The following PRMT1 variants were observed in gnomAD, a reference collection of about 807,000 sequenced individuals.
PRMT1 encodes the protein protein arginine methyltransferase 1, also known as protein arginine N-methyltransferase 1.
Under a neutral mutation model 47.4 loss-of-function variants are expected in PRMT1, and 5 were observed. The ratio of observed to expected loss-of-function variants is 0.11; its 90% CI spans 0.06 to 0.22. The LOEUF (loss-of-function observed/expected upper bound fraction) is 0.22, where lower values mean the gene tolerates loss of function less well. Among genes scored for constraint, PRMT1 ranks in the 10% least tolerant of loss-of-function variants. PRMT1 has a pLI of 1.00. For missense variants in PRMT1, 249 were observed against 518.4 expected (o/e 0.48, Z 5.05); for synonymous variants, 227 against 204.6 (o/e 1.11, Z -0.94).
At position 49,680,200 on chromosome 19, in the gene PRMT1, G is replaced by A. The variant is rs1260265223; in HGVS notation, c.90+275G>A. The A allele has an allele frequency of 6.3e-7, 1 of 1,597,166 alleles. No homozygotes were observed. The highest frequency in any genetic ancestry group is 2.3e-5 in the East Asian group (1 of 44,050). On this transcript the variant is annotated intron_variant, in intron 2 of 10. Coordinates refer to ENST00000454376, the MANE Select transcript of PRMT1 (RefSeq NM_001536.6). This position sits in a 1 kb window ranked among gnomAD's most constrained non-coding sequence, Gnocchi z 4.2. ...CCTTCCCCTCCCCTCCCCAGCTGTG[G>A]GCTGAGCTAGAGACGGGGTCAGAGA...
At chr19:49,677,623 T>G in intron 1 of PRMT1, 1 of 283,354 alleles carries the variant, frequency 3.5e-6, no homozygotes, top group Non-Finnish European at 6.5e-6. Flanking sequence ...GTGTGCCGAG[T>G]CCAGTGGCCC....
chr19:49,682,175 C>G, intron 4 of PRMT1, 21 bp from the exon 5 acceptor site: 1 of 1,614,092 alleles, frequency 6.2e-7, no homozygotes, highest in African/African-American at 1.3e-5. Flanking sequence ...GTCTCACCCT[C>G]CCTTCTTCCT....
rs774496561 is a variant in PRMT1 at position 49,684,088 on chromosome 19, G to C, written c.555+19G>C. On this transcript the variant is annotated intron_variant, in intron 6 of 10. Coordinates refer to ENST00000454376, the MANE Select transcript of PRMT1 (RefSeq NM_001536.6). This position sits in a 1 kb window ranked among gnomAD's most constrained non-coding sequence, Gnocchi z 6.2. Reference sequence around the variant, plus strand: ...GTGGCTGGTGAGGCCCCAGCGGGACGGGTGCAGCTCGCGTGGGCTGGGGTC... The same window carrying C: ...GTGGCTGGTGAGGCCCCAGCGGGACCGGTGCAGCTCGCGTGGGCTGGGGTC... The C allele has an allele frequency of 6.2e-7, 1 of 1,613,352 alleles. No individual in the cohort carries two copies. The highest frequency in any genetic ancestry group is 1.1e-5 in the South Asian group (1 of 91,072).
At position 49,686,100 on chromosome 19, in the gene PRMT1, A is replaced by G; in HGVS notation, c.767A>G (p.Asp256Gly). The change falls in exon 9 of 11, where the codon GAC (aspartate) becomes GGC (glycine). Residue 256 changes from aspartate (D) to glycine (G), a missense_variant. By Grantham distance (94) the Asp-to-Gly change is moderately conservative (BLOSUM62 -1). Around this residue, in one of 2 missense-constraint regions of PRMT1, gnomAD observed 190 missense variants for 456.7 expected, o/e 0.42. Coordinates refer to ENST00000454376, the MANE Select transcript of PRMT1 (RefSeq NM_001536.6). ...CCCTCTCATGTCCTGCAGGAGGTGG[A>G]CATCTATACCGTCAAGGTGGAAGAC... ...VTNACLIKEV[D>G]IYTVKVEDLT... 1 of 1,613,220 alleles carries G rather than the reference A, an allele frequency of 6.2e-7. No homozygotes were observed. The highest frequency in any genetic ancestry group is 8.5e-7 in the Non-Finnish European group (1 of 1,179,550).
In PRMT1 at chr19:49,680,689, C is replaced by A; in HGVS notation, c.192+101C>A. The A allele has an allele frequency of 4.2e-6, 4 of 948,092 alleles. No homozygotes were observed. Among genetic ancestry groups the A allele is most frequent in the Non-Finnish European group, 4.9e-6 (3 of 613,744 alleles). 58.7% of individuals were successfully genotyped at this position (948,092 alleles called of 1,614,324 possible). On this transcript the variant is annotated intron_variant, in intron 3 of 10. Transcript: ENST00000454376. This position sits in a 1 kb window ranked among gnomAD's most constrained non-coding sequence, Gnocchi z 4.2. ...CACGCATGCGCACTGCTTCCCCTGG[C>A]CGCAGGCCGCCCCCCTGCCCCTCTG...
At position 49,685,966 on chromosome 19, in the gene PRMT1, G is replaced by T. The variant is rs2082198532; in HGVS notation, c.760-127G>T. 1 of 1,484,724 alleles carries T rather than the reference G, an allele frequency of 6.7e-7. No homozygotes were observed. Among genetic ancestry groups the T allele is most frequent in the East Asian group, 2.4e-5 (1 of 42,420 alleles). 92.0% of individuals were successfully genotyped at this position (1,484,724 alleles called of 1,614,324 possible). The stretch of plus-strand genomic sequence containing the variant: ...AGTGAAGGAGGAGCCGAGGCTGGGT[G>T]CCAGTGAGGGAGGGCTAGCAGGAAG... On this transcript the variant is annotated intron_variant, in intron 8 of 10. Transcript: ENST00000454376. The surrounding 1 kb of genome is among the most constrained non-coding windows in gnomAD (Gnocchi z 4.7).
Position 49,684,678 on chromosome 19 carries a change from G to A in PRMT1, c.556-76G>A, listed in dbSNP as rs2082178006. 17 of 1,463,302 alleles carry A rather than the reference G, an allele frequency of 1.2e-5. No individual in the cohort carries two copies. Among genetic ancestry groups the A allele is most frequent in the Non-Finnish European group, 1.6e-5 (17 of 1,071,192 alleles). The allele number at this position is 1,463,302 out of a possible 1,614,324, so 90.6% of individuals were successfully genotyped here. A position where few individuals can be genotyped will look rare whatever the true frequency, so the allele number is the denominator to read the frequency against. The stretch of plus-strand genomic sequence containing the variant: ...GAGGGTGGCCCAGACCAGGGCAGGA[G>A]GCCACATCTTGGAGGCAAGACTCAG... On this transcript the variant is annotated intron_variant, in intron 6 of 10. Transcript: ENST00000454376. This position sits in a 1 kb window ranked among gnomAD's most constrained non-coding sequence, Gnocchi z 6.2.
In PRMT1 at chr19:49,685,911, T is replaced by G; in HGVS notation, c.760-182T>G. 1 of 1,417,984 alleles carries G rather than the reference T, an allele frequency of 7.1e-7. No homozygotes were observed. Among genetic ancestry groups the G allele is most frequent in the Non-Finnish European group, 9.2e-7 (1 of 1,090,274 alleles). 87.8% of individuals were successfully genotyped at this position (1,417,984 alleles called of 1,614,324 possible). Reference sequence around the variant, plus strand: ...GGAATCTGGGCTCGAACCCACATGGTTTATTGGGAGCCGGATAGGCAGGAT... The same window carrying G: ...GGAATCTGGGCTCGAACCCACATGGGTTATTGGGAGCCGGATAGGCAGGAT... On this transcript the variant is annotated intron_variant, in intron 8 of 10. Coordinates refer to ENST00000454376, the MANE Select transcript of PRMT1 (RefSeq NM_001536.6). The surrounding 1 kb of genome is among the most constrained non-coding windows in gnomAD (Gnocchi z 4.7).
At position 49,681,352 on chromosome 19, in the gene PRMT1, G is replaced by A. The variant is rs1213299541; in HGVS notation, c.193-558G>A. Among the ~76,000 whole-genome samples the A allele has an allele frequency of 6.6e-6, 1 of 152,190 alleles. No individual in the cohort carries two copies. Among genetic ancestry groups the A allele is most frequent in the East Asian group, 1.9e-4 (1 of 5,194 alleles). ...GCGTGAGCCACCGCTCCCAGCCTGA[G>A]GACTTTTAAAAGCCAGGGTTCACTG... On this transcript the variant is annotated intron_variant, in intron 3 of 10. Transcript: ENST00000454376. This position sits in a 1 kb window ranked among gnomAD's most constrained non-coding sequence, Gnocchi z 4.4.
intron 1 of PRMT1, 138 bp from the exon 2 acceptor site, chr19:49,679,734 G>A: frequency 1.5e-6 from 1 of 646,992 alleles, no homozygotes; most frequent in Non-Finnish European, 2.8e-6. Context: ...CTCATTACTT[G>A]CCCCCTTCGC....
intron 9 of PRMT1, 77 bp from the exon 10 acceptor site, chr19:49,686,528 A>G: frequency 8.6e-7 from 1 of 1,160,300 alleles, no homozygotes; most frequent in South Asian, 1.4e-5. Context: ...GGGGGTGGGC[A>G]TTCCGACAGA....
rs760514858 is a variant in PRMT1 at position 49,688,259 on chromosome 19, C to T, written c.*14C>T. ...CGGATGCGCTGAGGCCCGGCTCTCC[C>T]GCCCTGCACGAGCCCAGGGGCTGAG... On this transcript the variant is annotated 3_prime_UTR_variant, in exon 11 of 11. Transcript: ENST00000454376. The surrounding 1 kb of genome is among the most constrained non-coding windows in gnomAD (Gnocchi z 5.3). 9.9e-6 allele frequency: 16 copies of T among 1,612,694 alleles called. No individual in the cohort carries two copies. Among genetic ancestry groups the T allele is most frequent in the African/African-American group, 6.7e-5 (5 of 75,000 alleles).
intron 1 of PRMT1, among the ~76,000 whole-genome samples, chr19:49,677,824 C>T (rs1384767350): frequency 3.9e-5 from 6 of 152,114 alleles, no homozygotes; most frequent in Non-Finnish European, 8.8e-5. Context: ...CAGTGCTTCT[C>T]AGCCCTTTAC....
At position 49,688,105 on chromosome 19, in the gene PRMT1, G is replaced by GC. The variant is rs973869288; in HGVS notation, c.1033-51dup. The GC allele has an allele frequency of 9.7e-5, 142 of 1,468,134 alleles. No individual in the cohort carries two copies. The highest frequency in any genetic ancestry group is 4.1e-4 in the South Asian group (36 of 88,186). 90.9% of individuals were successfully genotyped at this position (1,468,134 alleles called of 1,614,324 possible). Reference sequence around the variant, plus strand: ...ATCGTCGCATAGCCTGCCTGCACCCGCCCCCCGCCACCACCTCCTGGTGGG... The same window carrying GC: ...ATCGTCGCATAGCCTGCCTGCACCCGCCCCCCCGCCACCACCTCCTGGTGGG... On this transcript the variant is annotated intron_variant, in intron 10 of 10. Coordinates refer to ENST00000454376, the MANE Select transcript of PRMT1 (RefSeq NM_001536.6). This position sits in a 1 kb window ranked among gnomAD's most constrained non-coding sequence, Gnocchi z 5.3.
intron 5 of PRMT1, 35 bp from the exon 6 acceptor site, chr19:49,683,892 C>G: frequency 6.3e-7 from 1 of 1,594,166 alleles, no homozygotes. Flanking sequence ...GCAGGCCTCC[C>G]GGGGGCTGAC....
chr19:49,687,725 C>T (rs1345969692), intron 10 of PRMT1: 6 of 215,860 alleles, frequency 2.8e-5, no homozygotes, highest in East Asian at 1.0e-4. Context: ...AGTCCTCGGG[C>T]GTTGGTGACT....
rs541297331 is a variant in PRMT1, at chr19:49,683,468, C to T, written c.413-459C>T. Reference sequence around the variant, plus strand: ...TTTTGGGAGGCCGAGGCGGGCGGATCGTGAGGTCAGGAGATCAAGACCATC... The same window carrying T: ...TTTTGGGAGGCCGAGGCGGGCGGATTGTGAGGTCAGGAGATCAAGACCATC... On this transcript the variant is annotated intron_variant, in intron 5 of 10. Coordinates refer to ENST00000454376, the MANE Select transcript of PRMT1 (RefSeq NM_001536.6). Among the ~76,000 whole-genome samples the T allele has an allele frequency of 2.0e-4, 30 of 151,930 alleles. No homozygotes were observed. In the East Asian group the frequency reaches 4.1e-3, roughly 21 times the overall value.
chr19:49,688,312 C>T lies in PRMT1; in HGVS notation c.*67C>T, dbSNP rs924082750. ...TTCCTAGGCGGTTTCGGGGCTCCCC[C>T]TTCCTCTCCCTCCCTCCCGCAGAAG... On this transcript the variant is annotated 3_prime_UTR_variant, in exon 11 of 11. Transcript: ENST00000454376. The surrounding 1 kb of genome is among the most constrained non-coding windows in gnomAD (Gnocchi z 5.3). The T allele has an allele frequency of 7.4e-6, 11 of 1,489,458 alleles. No homozygotes were observed. In the South Asian group the frequency reaches 1.0e-4, roughly 14 times the overall value. The allele number at this position is 1,489,458 out of a possible 1,614,324, so 92.3% of individuals were successfully genotyped here.
At chr19:49,686,785 G>T (rs566153149) in intron 10 of PRMT1, 59 bp downstream of exon 10, 123 of 1,082,908 alleles carry the variant, frequency 1.1e-4, no homozygotes, top group South Asian at 5.3e-4. Flanking sequence ...TGTAGATTGG[G>T]GGGGGAGTGG....
Sources: gnomAD v4.1 joint callset for allele counts (sites outside exome capture counted in the v4.1 genomes callset) on GRCh38, gnomAD v4.1.1 for gene constraint, gnomAD v4.1.1 regional missense constraint, Gnocchi (gnomAD v3.1) non-coding constraint, MANE v1.5 for transcripts, NCBI Gene and HGNC (gene_info 2026-07-23, HGNC 2026-07-21) for gene names.